HUWE1: variants seen among roughly 807,000 people sequenced by gnomAD.
HUWE1 encodes the protein HECT, UBA and WWE domain containing E3 ubiquitin protein ligase 1, also known as E3 ubiquitin-protein ligase HUWE1.
A neutral mutation model predicts 299.4 loss-of-function variants in HUWE1; 18 were observed. That is an observed-to-expected ratio of 0.06 (90% confidence interval 0.04 to 0.09). HUWE1 has a LOEUF of 0.09. HUWE1 is among the 10% of genes least tolerant of loss of function. HUWE1 has a pLI of 1.00. For missense variants in HUWE1, 1,832 were observed against 3,462.3 expected (o/e 0.53, Z 11.82); for synonymous variants, 1,317 against 1,286.1 (o/e 1.02, Z -0.51).
At chrX:53,609,106 C>T (rs782546859) in intron 23 of HUWE1, among the ~76,000 whole-genome samples, 197 bp from the exon 24 acceptor site, 14 of 111,501 alleles carry the variant, frequency 1.3e-4, no homozygotes, top group African/African-American at 4.6e-4. Context: ...GCCTTTGCTT[C>T]CCAGGCTTAT....
intron 3 of HUWE1, 68 bp from the exon 4 acceptor site, chrX:53,654,199 C>T (rs1269130127): frequency 1.1e-5 from 7 of 660,467 alleles, no homozygotes; most frequent in East Asian, 3.5e-5. Flanking sequence ...CAAGCTTGGA[C>T]ACAGACAATA....
At chrX:53,641,180 C>G (rs1283367703) in intron 7 of HUWE1, among the ~76,000 whole-genome samples, 1 of 111,855 alleles carries the variant, frequency 8.9e-6, no homozygotes, top group Non-Finnish European at 1.9e-5. Flanking sequence ...CTGTTCTAAG[C>G]AACATAAGGT....
chrX:53,555,650 T>C (rs2061973122), intron 60 of HUWE1, among the ~76,000 whole-genome samples: 1 of 99,038 alleles, frequency 1.0e-5, no homozygotes, highest in Admixed American at 1.1e-4. Context: ...TTTTTTTTTT[T>C]TTTTTTCCTG....
chrX:53,629,865 T>C (rs2066752480), intron 12 of HUWE1, among the ~76,000 whole-genome samples: 1 of 112,435 alleles, frequency 8.9e-6, no homozygotes, highest in African/African-American at 3.2e-5. Flanking sequence ...ATTTTGGGGA[T>C]GGAAATAGGA....
At chrX:53,680,905 CT>C (rs1557052940) in intron 2 of HUWE1, among the ~76,000 whole-genome samples, 2 of 62,110 alleles carry the variant, frequency 3.2e-5, no homozygotes, top group Non-Finnish European at 5.9e-5. Flanking sequence ...CTACAAAGCA[CT>C]TCAAATTAAA....
intron 25 of HUWE1, among the ~76,000 whole-genome samples, chrX:53,605,700 C>G (rs1390175214): frequency 9.0e-6 from 1 of 111,529 alleles, no homozygotes; most frequent in East Asian, 2.8e-4. Flanking sequence ...TATATGAAAT[C>G]TTAAGGGACC....
At chrX:53,627,324 T>A (rs1394423410) in intron 17 of HUWE1, 86 bp downstream of exon 17, 14 of 608,402 alleles carry the variant, frequency 2.3e-5, no homozygotes, top group Non-Finnish European at 3.8e-5. Flanking sequence ...TTGTGTACTT[T>A]GGAATTTATG....
chrX:53,590,112 A>G (rs997347407), intron 35 of HUWE1, among the ~76,000 whole-genome samples: 9 of 112,164 alleles, frequency 8.0e-5, no homozygotes, highest in Non-Finnish European at 1.5e-4. Context: ...GGGAAAATTA[A>G]AGTAACTGTC....
intron 52 of HUWE1, 138 bp from the exon 53 acceptor site, chrX:53,563,067 G>A: frequency 1.9e-6 from 1 of 512,984 alleles, no homozygotes; most frequent in Non-Finnish European, 3.4e-6. Flanking sequence ...ATTGTCTGCT[G>A]TCAGCTAGCT....
At chrX:53,538,593 A>G in intron 76 of HUWE1, 139 bp from the exon 77 acceptor site, 1 of 559,149 alleles carries the variant, frequency 1.8e-6, no homozygotes, top group Non-Finnish European at 3.0e-6. Flanking sequence ...ACCAAGGGCC[A>G]GCCCTTGAGG....
intron 3 of HUWE1, among the ~76,000 whole-genome samples, chrX:53,655,886 A>G (rs1190239490): frequency 8.9e-6 from 1 of 112,173 alleles, no homozygotes; most frequent in Admixed American, 9.4e-5. Context: ...AGTTCTAGCC[A>G]ATATAATACA....
At chrX:53,629,461 T>A in intron 13 of HUWE1, 55 bp downstream of exon 13, 3 of 789,719 alleles carry the variant, frequency 3.8e-6, no homozygotes, top group African/African-American at 2.0e-5. Context: ...AAATCCAAAA[T>A]ACTTCTGGTC....
At chrX:53,569,876 T>C in intron 47 of HUWE1, 49 bp from the exon 48 acceptor site, 2 of 1,057,240 alleles carry the variant, frequency 1.9e-6, no homozygotes, top group Non-Finnish European at 2.6e-6. Flanking sequence ...AATTATGCCA[T>C]ATCATTTGCA....
chrX:53,684,621 C>T (rs1433926497), intron 2 of HUWE1, among the ~76,000 whole-genome samples: 3 of 112,340 alleles, frequency 2.7e-5, no homozygotes, highest in Non-Finnish European at 5.6e-5. Flanking sequence ...ATTCTGGAAG[C>T]GGAGCAAAGA....
intron 8 of HUWE1, 45 bp from the exon 9 acceptor site, chrX:53,632,609 G>T: frequency 1.1e-6 from 1 of 944,095 alleles, no homozygotes; most frequent in Non-Finnish European, 1.5e-6. Context: ...AGTTTCAACT[G>T]ATTATAAACA....
chrX:53,681,865 T>C (rs1272648059), intron 2 of HUWE1, among the ~76,000 whole-genome samples: 1 of 111,850 alleles, frequency 8.9e-6, no homozygotes, highest in African/African-American at 3.3e-5. Flanking sequence ...GTAGAACACT[T>C]GGGTGTGGTT....
intron 75 of HUWE1, 147 bp from the exon 76 acceptor site, chrX:53,539,227 T>A: frequency 1.6e-6 from 1 of 640,454 alleles, no homozygotes; most frequent in Non-Finnish European, 2.3e-6. Flanking sequence ...ACACCTATGA[T>A]CCCAGCACTT....
chrX:53,614,056 G>C (rs1343935219), intron 23 of HUWE1, among the ~76,000 whole-genome samples: 13 of 111,097 alleles, frequency 1.2e-4, no homozygotes, highest in African/African-American at 4.3e-4. Context: ...CCTGACGTCG[G>C]GAGTTTGAGA....
intron 3 of HUWE1, among the ~76,000 whole-genome samples, chrX:53,661,196 A>G (rs1183919652): frequency 4.5e-5 from 5 of 110,098 alleles, no homozygotes; most frequent in African/African-American, 1.3e-4. Flanking sequence ...CACCACACCC[A>G]GCTAATTTTT....
Sources: allele counts gnomAD v4.1 joint callset (sites outside exome capture counted in the v4.1 genomes callset), GRCh38; gene constraint gnomAD v4.1.1; transcripts MANE v1.5; gene names NCBI Gene and HGNC (gene_info 2026-07-23, HGNC 2026-07-21).